HAUS2: variants seen among roughly 807,000 people sequenced by gnomAD.
The protein encoded by HAUS2 is HAUS augmin-like complex subunit 2.
Under a neutral mutation model 21.6 loss-of-function variants are expected in HAUS2, and 20 were observed. The observed-to-expected ratio is 0.93, with a 90% CI of 0.65 to 1.35. HAUS2 has a LOEUF of 1.35. Ranked by LOEUF, HAUS2 falls within the 40% of genes most tolerant of loss-of-function variation. The pLI is 0.00. For synonymous variants in HAUS2, 113 were observed against 95.6 expected (o/e 1.18, Z -1.06); for missense variants, 297 against 280.7 (o/e 1.06, Z -0.42).
intron 3 of HAUS2, chr15:42,560,733 C>T: frequency 1.4e-6 from 1 of 693,184 alleles, no homozygotes; most frequent in Non-Finnish European, 2.6e-6. Context: ...GGACTACTGG[C>T]ATGTGCCACC....
At chr15:42,553,640 C>A (rs1407447861) in intron 1 of HAUS2, among the ~76,000 whole-genome samples, 3 of 152,064 alleles carry the variant, frequency 2.0e-5, no homozygotes, top group African/African-American at 7.2e-5. Flanking sequence ...TTGTTATCTG[C>A]TTCTTAAACA....
Position 42,568,026 on chromosome 15 carries a change from A to T in HAUS2, c.*1210A>T, listed in dbSNP as rs527993418. On this transcript the variant is annotated 3_prime_UTR_variant, in exon 6 of 6. Transcript: ENST00000260372. ...GCAAGACTCTGTCTTAAAAAAAAAAAAAAAAGGTGTTTCTGAATTAGAAGG... is the reference window on the plus strand; with the variant it reads ...GCAAGACTCTGTCTTAAAAAAAAAATAAAAAGGTGTTTCTGAATTAGAAGG... 6.6e-6 allele frequency: 1 copy of T among 152,334 alleles called. No homozygotes were observed. The highest frequency in any genetic ancestry group is 6.5e-5 in the Admixed American group (1 of 15,290). The allele number at this position is 152,334 out of a possible 1,614,324, so 9.4% of individuals were successfully genotyped here. A position where few individuals can be genotyped will look rare whatever the true frequency, so the allele number is the denominator to read the frequency against.
At chr15:42,563,691 A>T (rs1049621320) in intron 4 of HAUS2, 58 bp from the exon 5 acceptor site, 5 of 852,320 alleles carry the variant, frequency 5.9e-6, no homozygotes, top group Non-Finnish European at 1.0e-5. Context: ...AGGAGAAGAA[A>T]AGGAACGTAA....
rs1411064435 is a variant in HAUS2 at position 42,569,452 on chromosome 15, A to G, written c.*2636A>G. The G allele has an allele frequency of 2.0e-5, 3 of 151,472 alleles. No individual in the cohort carries two copies. Among genetic ancestry groups the G allele is most frequent in the Non-Finnish European group, 4.4e-5 (3 of 67,960 alleles). 9.4% of individuals were successfully genotyped at this position (151,472 alleles called of 1,614,324 possible). On this transcript the variant is annotated 3_prime_UTR_variant, in exon 6 of 6. Coordinates refer to ENST00000260372, the MANE Select transcript of HAUS2 (RefSeq NM_018097.3). ...CTCCCAAGTAGCTGGGACTATAGGC[A>G]CGCGCCACCACGCCTGGCTAATTTT...
intron 3 of HAUS2, 108 bp downstream of exon 3, chr15:42,559,516 T>C: frequency 1.4e-6 from 1 of 701,688 alleles, no homozygotes. Context: ...TTTTTCCAGG[T>C]GTTGTCCCAA....
chr15:42,552,011 T>TTTTTTTTTG (rs1297616463), intron 1 of HAUS2, among the ~76,000 whole-genome samples: 1 of 147,294 alleles, frequency 6.8e-6, no homozygotes, highest in Non-Finnish European at 1.5e-5. Context: ...CTTTTGTCTC[T>TTTTTTTTTG]TTTTTTTTGT....
chr15:42,554,861 C>G (rs1460690659), intron 1 of HAUS2, among the ~76,000 whole-genome samples: 1 of 151,032 alleles, frequency 6.6e-6, no homozygotes, highest in Non-Finnish European at 1.5e-5. Context: ...GGGTCTCACT[C>G]TGTTGCCCAG....
chr15:42,550,557 T>C (rs1457553532), intron 1 of HAUS2, among the ~76,000 whole-genome samples: 1 of 152,224 alleles, frequency 6.6e-6, no homozygotes, highest in Non-Finnish European at 1.5e-5. Context: ...TTTAAGCTTT[T>C]GTTGAACACC....
intron 1 of HAUS2, among the ~76,000 whole-genome samples, chr15:42,553,134 A>C (rs971679594): frequency 3.9e-5 from 6 of 151,908 alleles, no homozygotes; most frequent in Non-Finnish European, 7.4e-5. Flanking sequence ...TTACAGGCAC[A>C]TACCACCACG....
At position 42,564,939 on chromosome 15, in the gene HAUS2, G is replaced by A. The variant is rs1364131066; in HGVS notation, c.498+1082G>A. ...CAACCTCCGCCTCTTGGGTTCAAGC[G>A]ATTCTCCTGCCTCAGCCTCCCAAGT... On this transcript the variant is annotated intron_variant, in intron 5 of 5. Coordinates refer to ENST00000260372, the MANE Select transcript of HAUS2 (RefSeq NM_018097.3). Among the ~76,000 whole-genome samples the A allele has an allele frequency of 2.4e-4, 37 of 152,184 alleles. 1 individual carries two copies. Among genetic ancestry groups the A allele is most frequent in the Non-Finnish European group, 1.3e-4 (9 of 68,026 alleles).
Position 42,569,668 on chromosome 15 carries a change from A to G in HAUS2, c.*2852A>G, listed in dbSNP as rs1224327411. 1 of 152,238 alleles carries G rather than the reference A, an allele frequency of 6.6e-6. No individual in the cohort carries two copies. Among genetic ancestry groups the G allele is most frequent in the Non-Finnish European group, 1.5e-5 (1 of 68,042 alleles). The allele number at this position is 152,238 out of a possible 1,614,324, so 9.4% of individuals were successfully genotyped here. Reference sequence around the variant, plus strand: ...GATAAGTAGTTGTTTATAAGGAAGCAGGATCATTACCAAAATAAATCCTGC... The same window carrying G: ...GATAAGTAGTTGTTTATAAGGAAGCGGGATCATTACCAAAATAAATCCTGC... On this transcript the variant is annotated 3_prime_UTR_variant, in exon 6 of 6. Coordinates refer to ENST00000260372, the MANE Select transcript of HAUS2 (RefSeq NM_018097.3).
chr15:42,564,574 G>C (rs1033442925), intron 5 of HAUS2, among the ~76,000 whole-genome samples: 8 of 152,198 alleles, frequency 5.3e-5, no homozygotes, highest in Non-Finnish European at 2.9e-5. Flanking sequence ...GCCATCTATT[G>C]AGCATAGAAA....
chr15:42,561,336 C>A lies in HAUS2; in HGVS notation c.323C>A (p.Ser108Tyr). Residue 108 changes from serine to tyrosine, a missense_variant, in exon 4 of 6, where the codon TCC becomes TAC. Transcript: ENST00000260372. ...HLEAVLKEKR[S>Y]LRQRLLKPMC... ...GAAGCAGTGCTGAAAGAGAAGAGAT[C>A]CCTTAGGCAAAGACTGTTGAAACCC... The A allele has an allele frequency of 1.3e-6, 2 of 1,575,092 alleles. No individual in the cohort carries two copies. Among genetic ancestry groups the A allele is most frequent in the Non-Finnish European group, 1.7e-6 (2 of 1,144,570 alleles).
At chr15:42,556,555 G>C (rs891067779) in intron 1 of HAUS2, among the ~76,000 whole-genome samples, 4 of 151,978 alleles carry the variant, frequency 2.6e-5, no homozygotes, top group Non-Finnish European at 4.4e-5. Context: ...GAGCCACTGT[G>C]CCCAGCCTGT....
intron 4 of HAUS2, among the ~76,000 whole-genome samples, chr15:42,562,304 A>G (rs2141603454): frequency 6.6e-6 from 1 of 152,360 alleles, no homozygotes; most frequent in East Asian, 1.9e-4. Context: ...CTTCCAAAAA[A>G]ACAAAACAAG....
At chr15:42,558,491 C>A (rs1181269046) in intron 2 of HAUS2, among the ~76,000 whole-genome samples, 1 of 151,654 alleles carries the variant, frequency 6.6e-6, no homozygotes, top group Non-Finnish European at 1.5e-5. Context: ...CCATGCCCGG[C>A]TAATTTTTTG....
chr15:42,564,403 C>T (rs923327762), intron 5 of HAUS2, among the ~76,000 whole-genome samples: 5 of 151,984 alleles, frequency 3.3e-5, no homozygotes, highest in Non-Finnish European at 7.4e-5. Flanking sequence ...CATGTGTTGG[C>T]TTCATTGTGC....
intron 1 of HAUS2, among the ~76,000 whole-genome samples, chr15:42,553,714 A>AC (rs1210530334): frequency 2.0e-5 from 3 of 152,122 alleles, no homozygotes; most frequent in Admixed American, 2.0e-4. Flanking sequence ...CTATTGTTGA[A>AC]CCCGACAGTT....
At chr15:42,553,908 T>A (rs1439142739) in intron 1 of HAUS2, among the ~76,000 whole-genome samples, 1 of 152,218 alleles carries the variant, frequency 6.6e-6, no homozygotes, top group Non-Finnish European at 1.5e-5. Context: ...ATTAGATGTG[T>A]TCTCACTTCC....
Sources: allele counts gnomAD v4.1 joint callset (sites outside exome capture counted in the v4.1 genomes callset), GRCh38; gene constraint gnomAD v4.1.1; transcripts MANE v1.5; gene names NCBI Gene and HGNC (gene_info 2026-07-23, HGNC 2026-07-21).